The following PTPRO variants were observed in gnomAD, a reference collection of about 807,000 sequenced individuals.
PTPRO encodes protein tyrosine phosphatase receptor type O, also known as receptor-type tyrosine-protein phosphatase O.
PTPRO carries 62 observed loss-of-function variants against 145.2 expected under a neutral mutation model. That is an observed-to-expected ratio of 0.43 (90% CI 0.35 to 0.53). PTPRO has a LOEUF of 0.53. Ranked by LOEUF, PTPRO falls within the 20% of genes least tolerant of loss-of-function variation. The probability of loss-of-function intolerance (pLI) is 0.01; values close to 1 mark genes in which losing one functional copy is unlikely to be tolerated. For missense variants in PTPRO, 1,345 were observed against 1,482.7 expected (o/e 0.91, Z 1.53); for synonymous variants, 565 against 514.7 (o/e 1.10, Z -1.32).
chr12:15,597,117 TGG>T lies in PTPRO; in HGVS notation c.*1045_*1046del, dbSNP rs1001180394. On this transcript the variant is annotated 3_prime_UTR_variant, in exon 27 of 27. Transcript: ENST00000281171. ...TTTGTAATATTGTCAAATGTCTCTA[TGG>T]ATTCTGACAGAGATTTCTTTTTGTT... The T allele has an allele frequency of 5.9e-5, 9 of 152,580 alleles. No homozygotes were observed. Among genetic ancestry groups the T allele is most frequent in the African/African-American group, 2.2e-4 (9 of 41,466 alleles). 9.5% of individuals were successfully genotyped at this position (152,580 alleles called of 1,614,324 possible). A position where few individuals can be genotyped will look rare whatever the true frequency, so the allele number is the denominator to read the frequency against.
At chr12:15,504,345 A>G (rs1264905248) in intron 6 of PTPRO, among the ~76,000 whole-genome samples, 3 of 152,180 alleles carry the variant, frequency 2.0e-5, no homozygotes, top group Non-Finnish European at 4.4e-5. Context: ...ATTAGCCATA[A>G]CAAAGCCTCC....
At chr12:15,483,519 C>A (rs1011649353) in intron 1 of PTPRO, among the ~76,000 whole-genome samples, 8 of 152,006 alleles carry the variant, frequency 5.3e-5, no homozygotes, top group Non-Finnish European at 1.0e-4. Context: ...AGGAAATAGA[C>A]GAAATAACTG....
chr12:15,413,041 C>T (rs1198029435), intron 1 of PTPRO, among the ~76,000 whole-genome samples: 1 of 152,142 alleles, frequency 6.6e-6, no homozygotes, highest in African/African-American at 2.4e-5. Context: ...GATCCACCCG[C>T]CTCAGCCTCC....
chr12:15,467,666 A>G lies in PTPRO; in HGVS notation c.76-16308A>G, dbSNP rs1485107904. ...GCCCCTTGAGTTTTAAGATTGGCTTAAAGTCTTATTCCACTTTGATGGAAA... is the reference window on the plus strand; with the variant it reads ...GCCCCTTGAGTTTTAAGATTGGCTTGAAGTCTTATTCCACTTTGATGGAAA... On this transcript the variant is annotated intron_variant, in intron 1 of 26. Transcript: ENST00000281171. Among the ~76,000 whole-genome samples the G allele has an allele frequency of 1.3e-4, 20 of 152,188 alleles. 1 individual carries two copies.
At chr12:15,410,783 G>A (rs1369798981) in intron 1 of PTPRO, 1 of 152,180 alleles carries the variant, frequency 6.6e-6, no homozygotes, top group African/African-American at 2.4e-5. Context: ...GGAAACCACA[G>A]TGTCCTTATT....
chr12:15,415,734 G>T (rs1939953597), intron 1 of PTPRO, among the ~76,000 whole-genome samples: 1 of 151,690 alleles, frequency 6.6e-6, no homozygotes, highest in African/African-American at 2.4e-5. Context: ...AAGTAAAATA[G>T]CCTGGTAAAA....
chr12:15,509,470 G>C (rs181253470), intron 7 of PTPRO, among the ~76,000 whole-genome samples: 1 of 151,862 alleles, frequency 6.6e-6, no homozygotes, highest in East Asian at 1.9e-4. Context: ...GCCGAGGCGG[G>C]TGGATCACCT....
chr12:15,589,014 C>T, intron 24 of PTPRO, among the ~76,000 whole-genome samples: 1 of 152,200 alleles, frequency 6.6e-6, no homozygotes, highest in East Asian at 1.9e-4. Context: ...GGAGCTTAGT[C>T]TGCGTTTTTC....
At chr12:15,555,546 A>G (rs1943599026) in intron 15 of PTPRO, among the ~76,000 whole-genome samples, 1 of 152,194 alleles carries the variant, frequency 6.6e-6, no homozygotes, top group African/African-American at 2.4e-5. Flanking sequence ...AACATAGCGT[A>G]ATACTCAACT....
At chr12:15,396,689 G>T (rs1178142527) in intron 1 of PTPRO, among the ~76,000 whole-genome samples, 1 of 152,068 alleles carries the variant, frequency 6.6e-6, no homozygotes, top group Non-Finnish European at 1.5e-5. Flanking sequence ...TCTAACATAG[G>T]CTCGCTCTTC....
At chr12:15,353,168 C>T (rs1416361983) in intron 1 of PTPRO, among the ~76,000 whole-genome samples, 1 of 152,098 alleles carries the variant, frequency 6.6e-6, no homozygotes, top group South Asian at 2.1e-4. Context: ...ATAGAAGTCC[C>T]CCTTACCACA....
chr12:15,388,162 A>G (rs1473326361), intron 1 of PTPRO, among the ~76,000 whole-genome samples: 1 of 152,200 alleles, frequency 6.6e-6, no homozygotes, highest in East Asian at 1.9e-4. Flanking sequence ...CATAAAAAGC[A>G]ATGTGCAGGT....
intron 1 of PTPRO, among the ~76,000 whole-genome samples, chr12:15,457,203 G>T (rs910761683): frequency 1.3e-5 from 2 of 152,176 alleles, no homozygotes; most frequent in African/African-American, 2.4e-5. Context: ...CAGACTGAAG[G>T]CTGCACTGTC....
intron 1 of PTPRO, among the ~76,000 whole-genome samples, chr12:15,459,323 G>GA: frequency 6.6e-6 from 1 of 152,236 alleles, no homozygotes; most frequent in Admixed American, 6.5e-5. Flanking sequence ...CAGGTGTCTG[G>GA]AAAATTGCTG....
chr12:15,551,014 T>C (rs1385262980), intron 14 of PTPRO, among the ~76,000 whole-genome samples: 6 of 152,154 alleles, frequency 3.9e-5, no homozygotes, highest in Non-Finnish European at 8.8e-5. Context: ...CCTAAACATA[T>C]GGCCACGGAT....
At chr12:15,458,135 T>A (rs1941221557) in intron 1 of PTPRO, among the ~76,000 whole-genome samples, 1 of 152,204 alleles carries the variant, frequency 6.6e-6, no homozygotes, top group Non-Finnish European at 1.5e-5. Context: ...TATAGTGTTC[T>A]TAGTTGACAG....
chr12:15,435,414 C>A (rs1255669015), intron 1 of PTPRO, among the ~76,000 whole-genome samples: 3 of 151,954 alleles, frequency 2.0e-5, no homozygotes, highest in Non-Finnish European at 4.4e-5. Context: ...TTGACAATCT[C>A]ATCTGTCATT....
At chr12:15,376,653 G>A (rs541178902) in intron 1 of PTPRO, among the ~76,000 whole-genome samples, 26 of 152,268 alleles carry the variant, frequency 1.7e-4, no homozygotes, top group African/African-American at 6.3e-4. Context: ...CCAAGATCAA[G>A]GTGCCAACAG....
chr12:15,406,813 T>C (rs954447147), intron 1 of PTPRO, among the ~76,000 whole-genome samples: 1 of 152,232 alleles, frequency 6.6e-6, no homozygotes, highest in Non-Finnish European at 1.5e-5. Flanking sequence ...CTGTCAGTTT[T>C]CATTTTACAT....
Sources: allele counts gnomAD v4.1 joint callset (sites outside exome capture counted in the v4.1 genomes callset), GRCh38; gene constraint gnomAD v4.1.1; transcripts MANE v1.5; gene names NCBI Gene and HGNC (gene_info 2026-07-23, HGNC 2026-07-21).